INTS5: variants seen among roughly 807,000 people sequenced by gnomAD.
The protein encoded by INTS5 is KIAA1698.
In INTS5, 29 loss-of-function variants were observed where a neutral mutation model predicts 60.0. The ratio of observed to expected loss-of-function variants is 0.48; its 90% confidence interval spans 0.36 to 0.66. INTS5 has a LOEUF of 0.66. Ranked by LOEUF, INTS5 falls within the 30% of genes least tolerant of loss-of-function variation. The pLI, the probability that INTS5 is intolerant of heterozygous loss-of-function variation, is 0.00. For synonymous variants in INTS5, 588 were observed against 558.8 expected, an observed-to-expected ratio of 1.05 and a Z score of -0.74; for missense variants, 1,129 against 1,307.9, an observed-to-expected ratio of 0.86 and a Z score of 2.11.
At position 62,649,606 on chromosome 11, in the gene INTS5, C is replaced by T. The variant is rs143580769; in HGVS notation, c.474G>A (p.Thr158=). ...SIDLMGQLSS[T]YSGQHQRVPH... The stretch of plus-strand genomic sequence containing the variant: ...GAACACGCTGGTGCTGGCCTGAGTA[C>T]GTGCTGCTCAGTTGCCCCATGAGGT... Residue 158 remains threonine (T), a synonymous_variant, in exon 2 of 2, where the codon ACG becomes ACA. Coordinates refer to ENST00000330574, the MANE Select transcript of INTS5 (RefSeq NM_030628.2). This position sits in a 1 kb window ranked among gnomAD's most constrained non-coding sequence, Gnocchi z 6.0. The T allele has an allele frequency of 2.7e-5, 43 of 1,614,010 alleles. No homozygotes were observed. The highest frequency in any genetic ancestry group is 3.3e-4 in the Middle Eastern group (2 of 6,082).
chr11:62,648,358 G>C lies in INTS5; in HGVS notation c.1722C>G (p.Phe574Leu), dbSNP rs762167815. ...CTACTAGCAGTGCCAAGTTGCGCAG[G>C]AACCGGGCCGTGAAGGGAGGCTGTA... ...GTLQPPFTAR[F>L]LRNLALLVGW... Residue 574 changes from phenylalanine to leucine, a missense_variant, in exon 2 of 2, where the codon TTC becomes TTG. Around this residue, in one of 3 missense-constraint regions of INTS5, gnomAD observed 1,070 missense variants for 1,246.1 expected, o/e 0.86. Transcript: ENST00000330574. The surrounding 1 kb of genome is among the most constrained non-coding windows in gnomAD (Gnocchi z 4.4). 18 of 1,614,054 alleles carry C rather than the reference G, an allele frequency of 1.1e-5. No individual in the cohort carries two copies. The highest frequency in any genetic ancestry group is 1.5e-5 in the Non-Finnish European group (18 of 1,180,004).
Position 62,649,563 on chromosome 11 carries a change from G to C in INTS5, c.517C>G (p.Leu173Val). ...HQRVPHATGA[L>V]NELLQLWMGC... ...ATCCACAGCTGTAGCAGTTCATTAA[G>C]AGCGCCAGTAGCGTGGGGAACACGC... The change falls in exon 2 of 2, where the codon CTT becomes GTT. Residue 173 changes from leucine to valine, a missense_variant. Physicochemically the swap from Leu to Val is conservative, Grantham distance 32. Around this residue, in one of 3 missense-constraint regions of INTS5, gnomAD observed 1,070 missense variants for 1,246.1 expected, o/e 0.86. Coordinates refer to ENST00000330574, the MANE Select transcript of INTS5 (RefSeq NM_030628.2). This position sits in a 1 kb window ranked among gnomAD's most constrained non-coding sequence, Gnocchi z 6.0. 1 of 1,614,206 alleles carries C rather than the reference G, an allele frequency of 6.2e-7. No homozygotes were observed. The highest frequency in any genetic ancestry group is 8.5e-7 in the Non-Finnish European group (1 of 1,180,030).
Position 62,647,881 on chromosome 11 carries a change from C to A in INTS5, c.2199G>T (p.Arg733=), listed in dbSNP as rs527689224. The A allele has an allele frequency of 1.2e-6, 2 of 1,614,218 alleles. No individual in the cohort carries two copies. Among genetic ancestry groups the A allele is most frequent in the African/African-American group, 1.3e-5 (1 of 75,060 alleles). The change falls in exon 2 of 2, where the codon CGG becomes CGT. Residue 733 remains arginine (R), a synonymous_variant. Coordinates refer to ENST00000330574, the MANE Select transcript of INTS5 (RefSeq NM_030628.2). Reference sequence around the variant, plus strand: ...GACCTGGCACAGCTGCAGTGTGCCTCCGGTTAGTGTCCAACAGGGAGGCAG... The same window carrying A: ...GACCTGGCACAGCTGCAGTGTGCCTACGGTTAGTGTCCAACAGGGAGGCAG... ...LASASLLDTN[R]RHTAAVPGPG...
In INTS5 at chr11:62,648,076, G is replaced by T; in HGVS notation, c.2004C>A (p.Ala668=). 3 of 1,614,150 alleles carry T rather than the reference G, an allele frequency of 1.9e-6. No homozygotes were observed. Among genetic ancestry groups the T allele is most frequent in the Non-Finnish European group, 2.5e-6 (3 of 1,179,990 alleles). Residue 668 remains alanine (A), a synonymous_variant, in exon 2 of 2, where the codon GCC becomes GCA. Coordinates refer to ENST00000330574, the MANE Select transcript of INTS5 (RefSeq NM_030628.2). The surrounding 1 kb of genome is among the most constrained non-coding windows in gnomAD (Gnocchi z 4.4). ...GGCGGGTGAGAAGCTGACAGGCTGA[G>T]GCCACACCTGGGGGTCCATGCAGCC... ...SLRLHGPPGV[A]SACQLLTRLS...
rs147346127 is a variant in INTS5, at chr11:62,649,823, C to T, written c.257G>A (p.Arg86Gln). 13 of 1,613,966 alleles carry T rather than the reference C, an allele frequency of 8.1e-6. No homozygotes were observed. Among genetic ancestry groups the T allele is most frequent in the South Asian group, 7.7e-5 (7 of 91,084 alleles). Reference protein sequence around the residue: ...HLRGVFDESVRAHLAALDETP... With the variant: ...HLRGVFDESVQAHLAALDETP... ...TTCATCCAGGGCAGCCAGGTGGGCC[C>T]GGACACTCTCATCAAAGACACCTCT... The change falls in exon 2 of 2, where the codon CGG becomes CAG. Residue 86 changes from arginine to glutamine, a missense_variant. Arg to Gln is a conservative substitution (Grantham distance 43). Around this residue, in one of 3 missense-constraint regions of INTS5, gnomAD observed 1,070 missense variants for 1,246.1 expected, o/e 0.86. Transcript: ENST00000330574. This position sits in a 1 kb window ranked among gnomAD's most constrained non-coding sequence, Gnocchi z 6.0.
intron 1 of INTS5, among the ~76,000 whole-genome samples, chr11:62,652,670 A>G (rs1439674265): frequency 4.6e-5 from 7 of 152,118 alleles, no homozygotes; most frequent in Non-Finnish European, 7.4e-5. Context: ...GAGGTGGCAA[A>G]TCCCCTTTCT....
In INTS5 at chr11:62,649,750, A is replaced by G. The variant is rs199668937; in HGVS notation, c.330T>C (p.His110=). The G allele has an allele frequency of 1.5e-5, 24 of 1,614,110 alleles. No individual in the cohort carries two copies. Among genetic ancestry groups the G allele is most frequent in the South Asian group, 5.5e-5 (5 of 91,092 alleles). Residue 110 remains histidine, a synonymous_variant, in exon 2 of 2, where the codon CAT becomes CAC. Transcript: ENST00000330574. The surrounding 1 kb of genome is among the most constrained non-coding windows in gnomAD (Gnocchi z 6.0). ...CTAGACCAGGTCCACCAGCAGGGAC[A>G]TGAGAGGGTGGAGGTGGACGGAGGT... ...PPHLRPPPPS[H]VPAGGPGLED...
rs376734999 is a variant in INTS5 at position 62,648,200 on chromosome 11, G to C, written c.1880C>G (p.Ser627Cys). 3.7e-6 allele frequency: 6 copies of C among 1,613,496 alleles called. No individual in the cohort carries two copies. In the African/African-American group the frequency reaches 8.0e-5, roughly 22 times the overall value. The change falls in exon 2 of 2, where the codon TCT (serine) becomes TGT (cysteine). Residue 627 changes from serine to cysteine, a missense_variant. Transcript: ENST00000330574. This position sits in a 1 kb window ranked among gnomAD's most constrained non-coding sequence, Gnocchi z 4.4. ...AGGAAAGGGACAAATGGCCAGGAGAGAGGCAGCAGCTTCAGCTACTTCCTC... is the reference window on the plus strand; with the variant it reads ...AGGAAAGGGACAAATGGCCAGGAGACAGGCAGCAGCTTCAGCTACTTCCTC... ...PEEEVAEAAA[S>C]LLAICPFPSE...
At position 62,648,102 on chromosome 11, in the gene INTS5, T is replaced by C; in HGVS notation, c.1978A>G (p.Arg660Gly). Reference sequence around the variant, plus strand: ...GCCACACCTGGGGGTCCATGCAGCCTCAGAGAGGCAAAGAAGCGGTGCACC... The same window carrying C: ...GCCACACCTGGGGGTCCATGCAGCCCCAGAGAGGCAAAGAAGCGGTGCACC... The part of the protein sequence containing the change: ...AGVHRFFASL[R>G]LHGPPGVASA... The change falls in exon 2 of 2, where the codon AGG becomes GGG. Residue 660 changes from arginine to glycine, a missense_variant. By Grantham distance (125) the Arg-to-Gly change is moderately radical. Coordinates refer to ENST00000330574, the MANE Select transcript of INTS5 (RefSeq NM_030628.2). This position sits in a 1 kb window ranked among gnomAD's most constrained non-coding sequence, Gnocchi z 4.4. The C allele has an allele frequency of 1.2e-6, 2 of 1,613,984 alleles. No homozygotes were observed. Among genetic ancestry groups the C allele is most frequent in the Non-Finnish European group, 1.7e-6 (2 of 1,179,942 alleles).
rs766136651 is a variant in INTS5, at chr11:62,649,704, G to C, written c.376C>G (p.Gln126Glu). ...CGGATAAACTCAGACAGCACCTGCTGCACTTCCTGAACCACATCCTCTAGA... is the reference window on the plus strand; with the variant it reads ...CGGATAAACTCAGACAGCACCTGCTCCACTTCCTGAACCACATCCTCTAGA... ...PGLEDVVQEV[Q>E]QVLSEFIRAN... The change falls in exon 2 of 2, where the codon CAG becomes GAG. Residue 126 changes from glutamine (Q) to glutamate (E), a missense_variant. Around this residue, in one of 3 missense-constraint regions of INTS5, gnomAD observed 1,070 missense variants for 1,246.1 expected, o/e 0.86. Transcript: ENST00000330574. This position sits in a 1 kb window ranked among gnomAD's most constrained non-coding sequence, Gnocchi z 6.0. The C allele has an allele frequency of 5.2e-5, 84 of 1,614,106 alleles. No homozygotes were observed. Among genetic ancestry groups the C allele is most frequent in the Non-Finnish European group, 7.1e-5 (84 of 1,180,048 alleles).
chr11:62,648,248 G>A lies in INTS5; in HGVS notation c.1832C>T (p.Ala611Val), dbSNP rs1162812544. ...ESASAHLSDLAPLLLHPEEEV... is the reference protein window; with the variant it reads ...ESASAHLSDLVPLLLHPEEEV... ...CTCCTCAGGATGTAGCAGGAGAGGA[G>A]CCAGGTCAGACAGATGGGCTGAGGC... The change falls in exon 2 of 2, where the codon GCT becomes GTT. Residue 611 changes from alanine (A) to valine (V), a missense_variant. This residue lies in a region of INTS5 where 1,070 missense variants were observed against 1,246.1 expected (regional missense o/e 0.86). Transcript: ENST00000330574. This position sits in a 1 kb window ranked among gnomAD's most constrained non-coding sequence, Gnocchi z 4.4. 3 of 1,613,846 alleles carry A rather than the reference G, an allele frequency of 1.9e-6. No individual in the cohort carries two copies. The South Asian group carries it at 3.3e-5, about 18-fold the overall frequency.
In INTS5 at chr11:62,649,324, G is replaced by A. The variant is rs1224028587; in HGVS notation, c.756C>T (p.Val252=). Residue 252 remains valine, a synonymous_variant, in exon 2 of 2, where the codon GTC becomes GTT. Coordinates refer to ENST00000330574, the MANE Select transcript of INTS5 (RefSeq NM_030628.2). This position sits in a 1 kb window ranked among gnomAD's most constrained non-coding sequence, Gnocchi z 6.0. ...VLSCGLKDFC[V]HGGAGGGAGS... is the part of the protein sequence containing the mutation. ...CAGCTCCACCTCCAGCCCCACCATG[G>A]ACACAAAAGTCCTTAAGGCCACAGG... The A allele has an allele frequency of 1.2e-6, 2 of 1,614,126 alleles. No homozygotes were observed. Among genetic ancestry groups the A allele is most frequent in the Non-Finnish European group, 8.5e-7 (1 of 1,180,030 alleles).
Position 62,648,295 on chromosome 11 carries a change from T to C in INTS5, c.1785A>G (p.Leu595=), listed in dbSNP as rs1265116210. The change falls in exon 2 of 2, where the codon CTA becomes CTG. Residue 595 remains leucine (L), a synonymous_variant. Coordinates refer to ENST00000330574, the MANE Select transcript of INTS5 (RefSeq NM_030628.2). The surrounding 1 kb of genome is among the most constrained non-coding windows in gnomAD (Gnocchi z 4.4). The part of the protein sequence containing the change: ...EQQGGEGPAA[L]GAHFGESASA... ...AGGCAGATTCCCCAAAGTGCGCCCCTAGGGCTGCAGGGCCCTCGCCACCCT... is the reference window on the plus strand; with the variant it reads ...AGGCAGATTCCCCAAAGTGCGCCCCCAGGGCTGCAGGGCCCTCGCCACCCT... 3 of 1,613,822 alleles carry C rather than the reference T, an allele frequency of 1.9e-6. No individual in the cohort carries two copies. Among genetic ancestry groups the C allele is most frequent in the East Asian group, 4.5e-5 (2 of 44,888 alleles).
At chr11:62,651,362 G>A (rs1277282327) in intron 1 of INTS5, among the ~76,000 whole-genome samples, 1 of 151,270 alleles carries the variant, frequency 6.6e-6, no homozygotes, top group African/African-American at 2.4e-5. Flanking sequence ...TGATCCTCCC[G>A]CCTCGTCCTC....
intron 1 of INTS5, among the ~76,000 whole-genome samples, chr11:62,651,216 TTC>T (rs1326709677): frequency 6.6e-6 from 1 of 152,064 alleles, no homozygotes; most frequent in Non-Finnish European, 1.5e-5. Flanking sequence ...GTTCACGCCA[TTC>T]TCCTGCCTCA....
Position 62,649,411 on chromosome 11 carries a change from A to G in INTS5, c.669T>C (p.Phe223=), listed in dbSNP as rs1944575973. 6.2e-7 allele frequency: 1 copy of G among 1,614,212 alleles called. No homozygotes were observed. Residue 223 remains phenylalanine, a synonymous_variant, in exon 2 of 2, where the codon TTT becomes TTC. Transcript: ENST00000330574. The surrounding 1 kb of genome is among the most constrained non-coding windows in gnomAD (Gnocchi z 6.0). The part of the protein sequence containing the change: ...LDTSVQHSPH[F]DWVVAHIGSS... ...AGCCAATATGTGCCACAACCCAGTC[A>G]AAGTGTGGAGAATGCTGAACAGAGG...
Position 62,649,590 on chromosome 11 carries a change from G to A in INTS5, c.490C>T (p.Gln164Ter). The change falls in exon 2 of 2, where the codon CAG becomes TAG. Residue 164 changes from glutamine to a stop codon, truncating the protein, a stop_gained. Transcript: ENST00000330574. LOFTEE classifies it high-confidence loss of function. This position sits in a 1 kb window ranked among gnomAD's most constrained non-coding sequence, Gnocchi z 6.0. ...QLSSTYSGQH[Q>*]RVPHATGALN... The stretch of plus-strand genomic sequence containing the variant: ...GCGCCAGTAGCGTGGGGAACACGCT[G>A]GTGCTGGCCTGAGTACGTGCTGCTC... The A allele has an allele frequency of 6.2e-7, 1 of 1,614,154 alleles. No individual in the cohort carries two copies. The highest frequency in any genetic ancestry group is 8.5e-7 in the Non-Finnish European group (1 of 1,180,024).
chr11:62,646,882 A>T lies in INTS5; in HGVS notation c.*138T>A, dbSNP rs1350250236. On this transcript the variant is annotated 3_prime_UTR_variant, in exon 2 of 2. Coordinates refer to ENST00000330574, the MANE Select transcript of INTS5 (RefSeq NM_030628.2). ...CAAGTTGGCAAATTTTATTTAGAAA[A>T]AAAAAAGTGGGAGAGAAAAAAGTGA... 1 of 837,728 alleles carries T rather than the reference A, an allele frequency of 1.2e-6. No homozygotes were observed. Among genetic ancestry groups the T allele is most frequent in the African/African-American group, 1.7e-5 (1 of 57,830 alleles). 51.9% of individuals were successfully genotyped at this position (837,728 alleles called of 1,614,324 possible). A position where few individuals can be genotyped will look rare whatever the true frequency, so the allele number is the denominator to read the frequency against.
In INTS5 at chr11:62,649,256, G is replaced by A. The variant is rs764151484; in HGVS notation, c.824C>T (p.Pro275Leu). The A allele has an allele frequency of 6.2e-7, 1 of 1,613,886 alleles. No homozygotes were observed. The highest frequency in any genetic ancestry group is 8.5e-7 in the Non-Finnish European group (1 of 1,179,802). The change falls in exon 2 of 2, where the codon CCC becomes CTC. Residue 275 changes from proline (P) to leucine (L), a missense_variant. This residue lies in a region of INTS5 where 1,070 missense variants were observed against 1,246.1 expected (regional missense o/e 0.86). Coordinates refer to ENST00000330574, the MANE Select transcript of INTS5 (RefSeq NM_030628.2). The surrounding 1 kb of genome is among the most constrained non-coding windows in gnomAD (Gnocchi z 6.0). ...GSSSQTPSTD[P>L]FPGSPAIPAE... ...AGGAATGGCAGGAGATCCAGGGAAG[G>A]GGTCTGTAGAGGGGGTCTGAGAAGA...
Sources: allele counts gnomAD v4.1 joint callset (sites outside exome capture counted in the v4.1 genomes callset), GRCh38; gene constraint gnomAD v4.1.1; regional missense constraint gnomAD v4.1.1; non-coding constraint Gnocchi (gnomAD v3.1); transcripts MANE v1.5; gene names NCBI Gene and HGNC (gene_info 2026-07-23, HGNC 2026-07-21).